Variants in RASGRF2 observed in about 807,000 individuals in gnomAD.
RASGRF2 encodes ras-specific guanine nucleotide-releasing factor 2.
In RASGRF2, 76 loss-of-function variants were observed where a neutral mutation model predicts 151.0. That is an observed-to-expected ratio of 0.50 (90% CI 0.42 to 0.61). RASGRF2 has a LOEUF of 0.61. RASGRF2 is among the 20% of genes least tolerant of loss of function. RASGRF2 has a pLI of 0.00. For synonymous variants in RASGRF2, 504 were observed against 566.5 expected (o/e 0.89, Z 1.57); for missense variants, 1,148 against 1,564.6 (o/e 0.73, Z 4.49).
At chr5:81,034,556 C>G (rs919780659) in intron 1 of RASGRF2, among the ~76,000 whole-genome samples, 1 of 151,752 alleles carries the variant, frequency 6.6e-6, no homozygotes, top group Admixed American at 6.6e-5. Context: ...ACCCAAATGT[C>G]CAAGAATGAT....
At chr5:81,163,354 G>C (rs542222789) in intron 17 of RASGRF2, among the ~76,000 whole-genome samples, 2 of 152,188 alleles carry the variant, frequency 1.3e-5, no homozygotes, top group African/African-American at 2.4e-5. Flanking sequence ...ACGCTTCTCT[G>C]TCTTAGTGCT....
chr5:81,127,493 A>T (rs1753490123), intron 17 of RASGRF2, among the ~76,000 whole-genome samples: 1 of 152,198 alleles, frequency 6.6e-6, no homozygotes, highest in Non-Finnish European at 1.5e-5. Context: ...ACTGCACTCC[A>T]GCCAGGGTGT....
intron 1 of RASGRF2, among the ~76,000 whole-genome samples, chr5:80,994,937 A>G (rs1449711818): frequency 6.6e-6 from 1 of 152,138 alleles, no homozygotes; most frequent in Non-Finnish European, 1.5e-5. Context: ...CACGATTAAC[A>G]TATGGAATAT....
chr5:81,066,357 A>T (rs546204574), intron 2 of RASGRF2, among the ~76,000 whole-genome samples: 4 of 152,124 alleles, frequency 2.6e-5, no homozygotes, highest in African/African-American at 9.7e-5. Context: ...GGTGCTGAGG[A>T]TGTTGAGATA....
intron 17 of RASGRF2, among the ~76,000 whole-genome samples, chr5:81,159,092 T>A (rs1754323966): frequency 6.6e-6 from 1 of 152,248 alleles, no homozygotes; most frequent in Non-Finnish European, 1.5e-5. Context: ...TTAATACACA[T>A]GAATATAAAT....
At chr5:80,963,735 T>C (rs1445646679) in intron 1 of RASGRF2, among the ~76,000 whole-genome samples, 2 of 152,198 alleles carry the variant, frequency 1.3e-5, no homozygotes, top group Non-Finnish European at 2.9e-5. Flanking sequence ...AGTAACATCA[T>C]TGCCTGAGGC....
intron 25 of RASGRF2, among the ~76,000 whole-genome samples, chr5:81,219,426 G>A (rs1042428485): frequency 6.6e-6 from 1 of 152,154 alleles, no homozygotes; most frequent in Non-Finnish European, 1.5e-5. Flanking sequence ...AGGAGCCCAC[G>A]GATGACAGCA....
At chr5:81,037,737 G>A (rs781416503) in intron 1 of RASGRF2, among the ~76,000 whole-genome samples, 1 of 151,996 alleles carries the variant, frequency 6.6e-6, no homozygotes, top group African/African-American at 2.4e-5. Flanking sequence ...TTGTGCTCTC[G>A]GAACATTTTT....
intron 1 of RASGRF2, among the ~76,000 whole-genome samples, chr5:81,007,919 C>T (rs922841695): frequency 2.6e-5 from 4 of 152,104 alleles, no homozygotes; most frequent in African/African-American, 9.7e-5. Context: ...TGGAAGCATC[C>T]TCATCCCTTG....
chr5:81,118,396 G>A (rs1480076662), intron 15 of RASGRF2, among the ~76,000 whole-genome samples: 2 of 152,234 alleles, frequency 1.3e-5, no homozygotes, highest in African/African-American at 2.4e-5. Context: ...GTGTGGCTGA[G>A]GAGCACTGCA....
At chr5:81,033,659 A>G (rs1221978849) in intron 1 of RASGRF2, among the ~76,000 whole-genome samples, 1 of 151,960 alleles carries the variant, frequency 6.6e-6, no homozygotes, top group African/African-American at 2.4e-5. Flanking sequence ...AAGATGGATT[A>G]AAGACTTAAA....
At position 81,012,947 on chromosome 5, in the gene RASGRF2, T is replaced by A. The variant is rs186873552; in HGVS notation, c.289-29930T>A. 8.5e-5 allele frequency among the ~76,000 whole-genome samples: 13 copies of A among 152,266 alleles called. No homozygotes were observed. In the East Asian group the frequency reaches 2.3e-3, roughly 27 times the overall value. ...AGAAGCAAGGCAGTGGTGAATAGCC[T>A]GGCTGGAATCAGGGGATTGGAAGGA... On this transcript the variant is annotated intron_variant, in intron 1 of 26. Coordinates refer to ENST00000265080, the MANE Select transcript of RASGRF2 (RefSeq NM_006909.3).
chr5:81,003,619 C>T (rs1561548927), intron 1 of RASGRF2, among the ~76,000 whole-genome samples: 1 of 152,152 alleles, frequency 6.6e-6, no homozygotes, highest in Non-Finnish European at 1.5e-5. Flanking sequence ...GCCTTGGCCT[C>T]CTAAAATGCT....
intron 1 of RASGRF2, among the ~76,000 whole-genome samples, chr5:81,007,768 C>T (rs1580196985): frequency 6.6e-6 from 1 of 152,202 alleles, no homozygotes; most frequent in Middle Eastern, 3.4e-3. Flanking sequence ...AGAAGGATAA[C>T]CATGTATTGT....
chr5:81,143,332 G>C (rs753693218), intron 17 of RASGRF2, among the ~76,000 whole-genome samples: 21 of 151,672 alleles, frequency 1.4e-4, no homozygotes, highest in Non-Finnish European at 2.5e-4. Flanking sequence ...ATTTTTAGTA[G>C]AGATGGGGTT....
chr5:81,197,229 G>A (rs1195194651), intron 18 of RASGRF2, among the ~76,000 whole-genome samples: 2 of 151,634 alleles, frequency 1.3e-5, no homozygotes, highest in Non-Finnish European at 2.9e-5. Flanking sequence ...GGCCGAGGCG[G>A]GTGGATCATG....
At chr5:81,085,734 C>T (rs757563336) in intron 7 of RASGRF2, 68 bp from the exon 8 acceptor site, 2 of 1,597,168 alleles carry the variant, frequency 1.3e-6, no homozygotes, top group Non-Finnish European at 1.7e-6. Flanking sequence ...GCAATGATGG[C>T]CCTGCGGAGC....
intron 17 of RASGRF2, among the ~76,000 whole-genome samples, chr5:81,170,944 T>C (rs1055396158): frequency 1.3e-5 from 2 of 152,142 alleles, no homozygotes; most frequent in African/African-American, 2.4e-5. Context: ...TGCTTCCTGG[T>C]TTCCGCCCTT....
intron 2 of RASGRF2, among the ~76,000 whole-genome samples, chr5:81,045,961 G>T (rs1750822221): frequency 6.6e-6 from 1 of 152,074 alleles, no homozygotes; most frequent in Non-Finnish European, 1.5e-5. Flanking sequence ...AATTAATTAT[G>T]GTTGGTTGAC....
Sources: allele counts gnomAD v4.1 joint callset (sites outside exome capture counted in the v4.1 genomes callset), GRCh38; gene constraint gnomAD v4.1.1; transcripts MANE v1.5; gene names NCBI Gene and HGNC (gene_info 2026-07-23, HGNC 2026-07-21).